The following LOXL2 variants were observed in gnomAD, a reference collection of about 807,000 sequenced individuals.
The protein encoded by LOXL2 is lysyl oxidase like 2, also known as lysyl oxidase homolog 2.
A neutral mutation model predicts 93.0 loss-of-function variants in LOXL2; 70 were observed. The ratio of observed to expected loss-of-function variants is 0.75; its 90% CI spans 0.62 to 0.92. LOXL2 has a LOEUF of 0.92. LOXL2 is among the 40% of genes least tolerant of loss of function. The probability of loss-of-function intolerance (pLI) is 0.00; values close to 1 mark genes in which losing one functional copy is unlikely to be tolerated. For missense variants in LOXL2, 973 were observed against 1,054.9 expected (o/e 0.92, Z 1.08); for synonymous variants, 438 against 413.2 (o/e 1.06, Z -0.73).
In LOXL2 at chr8:23,370,142, G is replaced by A. The variant is rs575405181; in HGVS notation, c.-83-1708C>T. On this transcript the variant is annotated intron_variant, in intron 1 of 13. Transcript: ENST00000389131. ...CTACCTTCCCTGCTTCGGTTCCCAC[G>A]ACGGTGTCTCCCTTCTCTCACCCCA... Among the ~76,000 whole-genome samples the A allele has an allele frequency of 8.5e-5, 13 of 152,054 alleles. 1 individual carries two copies. Among genetic ancestry groups the A allele is most frequent in the South Asian group, 2.1e-4 (1 of 4,812 alleles).
chr8:23,319,719 G>A (rs1803463074), intron 8 of LOXL2, among the ~76,000 whole-genome samples, 166 bp downstream of exon 8: 1 of 152,190 alleles, frequency 6.6e-6, no homozygotes, highest in Non-Finnish European at 1.5e-5. Flanking sequence ...CCTGTAAGGA[G>A]CAGCGCTGTG....
chr8:23,350,847 C>CTGCTTTTTTGG (rs1436983955), intron 3 of LOXL2, among the ~76,000 whole-genome samples: 4 of 152,206 alleles, frequency 2.6e-5, no homozygotes, highest in Non-Finnish European at 5.9e-5. Flanking sequence ...GGGTAGGTAA[C>CTGCTTTTTTGG]AGAGGCTGCT....
Position 23,360,158 on chromosome 8 carries a change from C to T in LOXL2, c.463G>A (p.Gly155Ser), listed in dbSNP as rs370732859. 92 of 1,613,882 alleles carry T rather than the reference C, an allele frequency of 5.7e-5. No homozygotes were observed. Among genetic ancestry groups the T allele is most frequent in the African/African-American group, 1.3e-4 (10 of 74,936 alleles). ...ATCCTTTTGTCGCTGCACACCACAC[C>T]GACATCCTCCGTGTGCTTGCAGTCA... ...VTDCKHTEDVGVVCSDKRIPG... is the reference protein window; with the variant it reads ...VTDCKHTEDVSVVCSDKRIPG... Residue 155 changes from glycine to serine, a missense_variant, in exon 3 of 14, where the codon GGT (glycine) becomes AGT (serine). By Grantham distance (56) the Gly-to-Ser change is moderately conservative. Transcript: ENST00000389131.
chr8:23,318,216 A>G (rs1273487594), intron 8 of LOXL2, among the ~76,000 whole-genome samples: 5 of 151,222 alleles, frequency 3.3e-5, no homozygotes, highest in African/African-American at 1.2e-4. Flanking sequence ...CTCCCAAGGA[A>G]GAAGCCATTC....
chr8:23,346,146 T>TAAAAAAATAAAATAA (rs1364307667), intron 3 of LOXL2, among the ~76,000 whole-genome samples: 1 of 78,046 alleles, frequency 1.3e-5, no homozygotes, highest in Non-Finnish European at 3.2e-5. Context: ...ATAAAATAAA[T>TAAAAAAATAAAATAA]AAAATAAAAT....
Position 23,309,650 on chromosome 8 carries a change from G to T in LOXL2, c.1880+18C>A. 7.0e-7 allele frequency: 1 copy of T among 1,418,706 alleles called. No homozygotes were observed. The allele number at this position is 1,418,706 out of a possible 1,614,324, so 87.9% of individuals were successfully genotyped here. A position where few individuals can be genotyped will look rare whatever the true frequency, so the allele number is the denominator to read the frequency against. ...TCCGCCGGGCAGCTTAGTGGGGAGG[G>T]TGGCCAGCCAGGCCTACCTGTGACA... On this transcript the variant is annotated intron_variant, in intron 10 of 13. Coordinates refer to ENST00000389131, the MANE Select transcript of LOXL2 (RefSeq NM_002318.3).
At position 23,368,093 on chromosome 8, in the gene LOXL2, C is replaced by T. The variant is rs144452398; in HGVS notation, c.259G>A (p.Asp87Asn). The T allele has an allele frequency of 1.5e-4, 247 of 1,614,076 alleles. No individual in the cohort carries two copies. The highest frequency in any genetic ancestry group is 1.4e-4 in the Non-Finnish European group (168 of 1,180,054). The change falls in exon 2 of 14, where the codon GAC becomes AAC. Residue 87 changes from aspartate (D) to asparagine (N), a missense_variant. By Grantham distance (23) the Asp-to-Asn change is conservative. Transcript: ENST00000389131. ...ACGTGGGCAGCGTGGATGGAGAAGT[C>T]GTCATCGCACACGGTGCCCCACTGG... ...DGQWGTVCDDDFSIHAAHVVC... is the reference protein window; with the variant it reads ...DGQWGTVCDDNFSIHAAHVVC...
intron 1 of LOXL2, among the ~76,000 whole-genome samples, chr8:23,384,179 C>CAGAT: frequency 6.6e-6 from 1 of 152,268 alleles, no homozygotes; most frequent in African/African-American, 2.4e-5. Flanking sequence ...CTCACCCTAG[C>CAGAT]AGATAATCAA....
chr8:23,371,623 G>A (rs1804496585), intron 1 of LOXL2, among the ~76,000 whole-genome samples: 1 of 151,512 alleles, frequency 6.6e-6, no homozygotes, highest in South Asian at 2.1e-4. Flanking sequence ...ATGGTGGCGG[G>A]CACCTGTAGT....
At chr8:23,387,507 G>A (rs1804782661) in intron 1 of LOXL2, among the ~76,000 whole-genome samples, 2 of 152,290 alleles carry the variant, frequency 1.3e-5, no homozygotes, top group Non-Finnish European at 1.5e-5. Context: ...CCTCTTTACT[G>A]ACCATAAACG....
chr8:23,332,625 CCACT>C (rs1160847984), intron 5 of LOXL2, among the ~76,000 whole-genome samples: 51 of 126,698 alleles, frequency 4.0e-4, no homozygotes, highest in African/African-American at 1.5e-3. Flanking sequence ...CCCAACACAC[CCACT>C]CATACACACC....
At chr8:23,359,778 A>G (rs1384821802) in intron 3 of LOXL2, among the ~76,000 whole-genome samples, 2 of 152,224 alleles carry the variant, frequency 1.3e-5, no homozygotes, top group Non-Finnish European at 2.9e-5. Flanking sequence ...TTTCATGCCC[A>G]TCTTTCCAGC....
At chr8:23,303,261 C>G (rs1201485856) in intron 11 of LOXL2, 21 bp downstream of exon 11, 2 of 1,491,674 alleles carry the variant, frequency 1.3e-6, no homozygotes, top group South Asian at 1.1e-5. Flanking sequence ...GGCCTCCCAT[C>G]CCCCCACTCC....
chr8:23,351,696 C>T (rs758183372), intron 3 of LOXL2, among the ~76,000 whole-genome samples: 58 of 152,214 alleles, frequency 3.8e-4, no homozygotes, highest in Non-Finnish European at 3.4e-4. Context: ...TCCACATACA[C>T]ACCCTTTTGC....
intron 1 of LOXL2, among the ~76,000 whole-genome samples, chr8:23,372,265 G>C (rs28838357): frequency 0.26 from 38,904 of 151,006 alleles, 5,336 homozygotes; most frequent in African/African-American, 0.36. Flanking sequence ...GCCCAGGCTG[G>C]AGTGTGCAGT....
intron 3 of LOXL2, among the ~76,000 whole-genome samples, chr8:23,344,607 G>A (rs1803938449): frequency 6.6e-6 from 1 of 152,080 alleles, no homozygotes; most frequent in Non-Finnish European, 1.5e-5. Context: ...GTGTCTGTGT[G>A]CATGATGATG....
At chr8:23,394,612 A>G (rs182257621) in intron 1 of LOXL2, among the ~76,000 whole-genome samples, 63 of 152,272 alleles carry the variant, frequency 4.1e-4, no homozygotes. Flanking sequence ...AAGTGTCCCC[A>G]AAGATGTGGA....
At chr8:23,300,197 G>A (rs532713999) in intron 12 of LOXL2, among the ~76,000 whole-genome samples, 20 of 152,340 alleles carry the variant, frequency 1.3e-4, no homozygotes, top group East Asian at 5.8e-4. Context: ...GCTCGTGTTG[G>A]GGACACGAGG....
chr8:23,388,761 A>G (rs1804801803), intron 1 of LOXL2, among the ~76,000 whole-genome samples: 1 of 152,132 alleles, frequency 6.6e-6, no homozygotes, highest in African/African-American at 2.4e-5. Flanking sequence ...TACTGTATAC[A>G]TTAGGTATGT....
Sources: allele counts gnomAD v4.1 joint callset (sites outside exome capture counted in the v4.1 genomes callset), GRCh38; gene constraint gnomAD v4.1.1; transcripts MANE v1.5; gene names NCBI Gene and HGNC (gene_info 2026-07-23, HGNC 2026-07-21).